GABBR2: variants seen among roughly 807,000 people sequenced by gnomAD.
The protein encoded by GABBR2 is gamma-aminobutyric acid type B receptor subunit 2.
GABBR2 carries 23 observed loss-of-function variants against 105.6 expected under a neutral mutation model. The ratio of observed to expected loss-of-function variants is 0.22; its 90% confidence interval spans 0.16 to 0.31. The LOEUF (loss-of-function observed/expected upper bound fraction) is 0.31. Ranked by LOEUF, GABBR2 falls within the 10% of genes least tolerant of loss-of-function variation. GABBR2 has a pLI of 1.00. For missense variants in GABBR2, 734 were observed against 1,245.5 expected, an observed-to-expected ratio of 0.59 and a Z score of 6.18; for synonymous variants, 478 against 499.7, an observed-to-expected ratio of 0.96 and a Z score of 0.58.
intron 7 of GABBR2, among the ~76,000 whole-genome samples, chr9:98,423,614 A>C (rs1832823658): frequency 6.6e-6 from 1 of 152,096 alleles, no homozygotes; most frequent in Non-Finnish European, 1.5e-5. Context: ...GTTTAATTAG[A>C]TCCCATTTGT....
At chr9:98,473,451 T>C in intron 5 of GABBR2, 105 bp from the exon 6 acceptor site, 1 of 687,596 alleles carries the variant, frequency 1.5e-6, no homozygotes, top group East Asian at 2.7e-5. Context: ...CCAGAGGATT[T>C]AGGAAATGTT....
At chr9:98,588,747 C>G (rs1453826648) in intron 1 of GABBR2, among the ~76,000 whole-genome samples, 7 of 152,106 alleles carry the variant, frequency 4.6e-5, no homozygotes, top group African/African-American at 1.4e-4. Flanking sequence ...GCCCCTCCCC[C>G]CGACAATTAG....
chr9:98,423,596 G>A (rs1012179298), intron 7 of GABBR2, among the ~76,000 whole-genome samples: 19 of 152,176 alleles, frequency 1.2e-4, no homozygotes, highest in Non-Finnish European at 4.4e-5. Flanking sequence ...CTGTGCAGAA[G>A]CACTTTAGTT....
At chr9:98,291,160 C>A (rs1181756253) in intron 18 of GABBR2, among the ~76,000 whole-genome samples, 3 of 152,164 alleles carry the variant, frequency 2.0e-5, no homozygotes, top group African/African-American at 7.2e-5. Flanking sequence ...CCTAGCTGAG[C>A]CTCGCCTACC....
intron 7 of GABBR2, among the ~76,000 whole-genome samples, chr9:98,406,870 C>T (rs975394416): frequency 1.6e-4 from 25 of 152,250 alleles, no homozygotes; most frequent in Non-Finnish European, 2.8e-4. Flanking sequence ...CTCTTCTTTC[C>T]GATTTATGGC....
intron 8 of GABBR2, among the ~76,000 whole-genome samples, chr9:98,402,891 A>C (rs1832418991): frequency 6.6e-6 from 1 of 152,168 alleles, no homozygotes; most frequent in Non-Finnish European, 1.5e-5. Context: ...TACATTTGGA[A>C]AACCAACTGT....
chr9:98,377,600 C>A (rs917852750), intron 11 of GABBR2, among the ~76,000 whole-genome samples: 1 of 152,170 alleles, frequency 6.6e-6, no homozygotes, highest in Non-Finnish European at 1.5e-5. Context: ...CTAGCAGGTG[C>A]CTGGGAATGT....
At chr9:98,447,063 CT>C (rs369338702) in intron 7 of GABBR2, among the ~76,000 whole-genome samples, 30,981 of 116,196 alleles carry the variant, frequency 0.27, 5,690 homozygotes, top group East Asian at 0.69. Context: ...AAAAAGACTT[CT>C]TTTTTTTTTT....
chr9:98,316,523 T>TCATA (rs1421054619), intron 13 of GABBR2, among the ~76,000 whole-genome samples: 5 of 152,236 alleles, frequency 3.3e-5, no homozygotes, highest in Admixed American at 3.3e-4. Flanking sequence ...ATTCATTCAT[T>TCATA]CATACAGTGA....
rs1830692951 is a variant in GABBR2 at position 98,315,088 on chromosome 9, T to C, written c.1894-3883A>G. On this transcript the variant is annotated intron_variant, in intron 13 of 18. Coordinates refer to ENST00000259455, the MANE Select transcript of GABBR2 (RefSeq NM_005458.8). ...ACATTCCAGCCTGGCTACCTTTACC[T>C]TTCTCTTAGCTGCTCCCCTTCCCCC... Among the ~76,000 whole-genome samples the C allele has an allele frequency of 2.0e-5, 3 of 152,186 alleles. No individual in the cohort carries two copies. The South Asian group carries it at 6.2e-4, about 32-fold the overall frequency.
chr9:98,704,012 A>G (rs914795995), intron 1 of GABBR2, among the ~76,000 whole-genome samples: 1 of 152,022 alleles, frequency 6.6e-6, no homozygotes, highest in Non-Finnish European at 1.5e-5. Context: ...TTATGCAACC[A>G]TCTCCACTAT....
rs1419926131 is a variant in GABBR2, at chr9:98,454,999, G to A, written c.1000-782C>T. 1.3e-5 allele frequency among the ~76,000 whole-genome samples: 2 copies of A among 152,162 alleles called. No homozygotes were observed. Among genetic ancestry groups the A allele is most frequent in the East Asian group, 3.9e-4 (2 of 5,182 alleles). On this transcript the variant is annotated intron_variant, in intron 6 of 18. Coordinates refer to ENST00000259455, the MANE Select transcript of GABBR2 (RefSeq NM_005458.8). The surrounding 1 kb of genome is among the most constrained non-coding windows in gnomAD (Gnocchi z 4.6). Reference sequence around the variant, plus strand: ...TCTGAGTGGGCTGTGTCCGTGGCTTGCAGATTCTGGGCCCCGAGGGGCCTG... The same window carrying A: ...TCTGAGTGGGCTGTGTCCGTGGCTTACAGATTCTGGGCCCCGAGGGGCCTG...
At chr9:98,657,726 G>A (rs1830201969) in intron 1 of GABBR2, among the ~76,000 whole-genome samples, 1 of 152,272 alleles carries the variant, frequency 6.6e-6, no homozygotes, top group Admixed American at 6.5e-5. Context: ...GGCAAGAGCG[G>A]GACCAGGTGG....
At chr9:98,358,777 T>G (rs1831532052) in intron 13 of GABBR2, among the ~76,000 whole-genome samples, 1 of 152,122 alleles carries the variant, frequency 6.6e-6, no homozygotes, top group Non-Finnish European at 1.5e-5. Flanking sequence ...AGCCACACAG[T>G]CAGCCTGCCC....
At chr9:98,362,876 A>G in intron 12 of GABBR2, 39 bp from the exon 13 acceptor site, 1 of 1,458,142 alleles carries the variant, frequency 6.9e-7, no homozygotes, top group Non-Finnish European at 9.1e-7. Context: ...CCGATGTGAG[A>G]GACAGCTTCC....
chr9:98,573,171 C>T (rs1828856865), intron 2 of GABBR2, among the ~76,000 whole-genome samples: 1 of 152,208 alleles, frequency 6.6e-6, no homozygotes, highest in Non-Finnish European at 1.5e-5. Context: ...AGACCCTGCG[C>T]CAGACACTGG....
intron 9 of GABBR2, among the ~76,000 whole-genome samples, 175 bp from the exon 10 acceptor site, chr9:98,389,179 C>G (rs540229334): frequency 6.6e-6 from 1 of 152,294 alleles, no homozygotes; most frequent in South Asian, 2.1e-4. Context: ...AACAGGGAGC[C>G]TGAGCTAGGA....
chr9:98,440,053 C>G (rs1423925416), intron 7 of GABBR2, among the ~76,000 whole-genome samples: 1 of 152,124 alleles, frequency 6.6e-6, no homozygotes, highest in Non-Finnish European at 1.5e-5. Context: ...TACCCTCCAC[C>G]ATGAGGAACT....
chr9:98,391,859 C>G (rs1564047302), intron 9 of GABBR2, among the ~76,000 whole-genome samples: 1 of 152,128 alleles, frequency 6.6e-6, no homozygotes, highest in African/African-American at 2.4e-5. Context: ...GCATCTTAAG[C>G]CTGGCATGAC....
Sources: gnomAD v4.1 joint callset for allele counts (sites outside exome capture counted in the v4.1 genomes callset) on GRCh38, gnomAD v4.1.1 for gene constraint, Gnocchi (gnomAD v3.1) non-coding constraint, MANE v1.5 for transcripts, NCBI Gene and HGNC (gene_info 2026-07-23, HGNC 2026-07-21) for gene names.